The following SLC39A9 variants were observed in gnomAD, a reference collection of about 807,000 sequenced individuals.
SLC39A9 encodes the protein solute carrier family 39 member 9, also known as zinc transporter ZIP9.
Under a neutral mutation model 28.4 loss-of-function variants are expected in SLC39A9, and 14 were observed. The observed-to-expected ratio is 0.49, with a 90% CI of 0.33 to 0.77. The LOEUF is 0.77. Among genes scored for constraint, SLC39A9 ranks in the 30% least tolerant of loss-of-function variants. The probability of loss-of-function intolerance (pLI) is 0.02; values close to 1 mark genes in which losing one functional copy is unlikely to be tolerated. For missense variants in SLC39A9, 283 were observed against 381.1 expected, an observed-to-expected ratio of 0.74 and a Z score of 2.14; for synonymous variants, 119 against 149.6, an observed-to-expected ratio of 0.80 and a Z score of 1.49.
intron 1 of SLC39A9, among the ~76,000 whole-genome samples, chr14:69,415,632 C>T (rs1883527074): frequency 7.0e-6 from 1 of 143,728 alleles, no homozygotes; most frequent in South Asian, 2.3e-4. Flanking sequence ...AAGGGTTGAC[C>T]TGGCTGTGTG....
intron 1 of SLC39A9, among the ~76,000 whole-genome samples, chr14:69,406,844 C>G (rs1211856504): frequency 1.0e-4 from 10 of 99,486 alleles, no homozygotes; most frequent in African/African-American, 3.0e-4. Context: ...ACTGGAAATT[C>G]TTTGTTTTTT....
At chr14:69,441,719 T>C in intron 2 of SLC39A9, 1 of 808,138 alleles carries the variant, frequency 1.2e-6, no homozygotes, top group Non-Finnish European at 1.5e-6. Context: ...AAAAAAACAG[T>C]GTATTTTCTG....
intron 1 of SLC39A9, among the ~76,000 whole-genome samples, chr14:69,416,208 G>A (rs1566910418): frequency 6.6e-6 from 1 of 152,110 alleles, no homozygotes; most frequent in Non-Finnish European, 1.5e-5. Flanking sequence ...ACCTATGAGT[G>A]AGAACATGCT....
intron 1 of SLC39A9, among the ~76,000 whole-genome samples, chr14:69,415,123 C>T (rs1324624224): frequency 6.6e-6 from 1 of 152,120 alleles, no homozygotes; most frequent in African/African-American, 2.4e-5. Flanking sequence ...TATTCTTGTA[C>T]AAGTTTTTTG....
chr14:69,461,044 G>A lies in SLC39A9; in HGVS notation c.*2451G>A. 2 of 985,576 alleles carry A rather than the reference G, an allele frequency of 2.0e-6. No individual in the cohort carries two copies. Among genetic ancestry groups the A allele is most frequent in the African/African-American group, 3.5e-5 (2 of 57,334 alleles). The allele number at this position is 985,576 out of a possible 1,614,324, so 61.1% of individuals were successfully genotyped here. ...CACATTTCAGTTCCGTTTTCCTCTT[G>A]TTTAAAACTGCCTCTTTAGATGTGG... On this transcript the variant is annotated 3_prime_UTR_variant, in exon 7 of 7. Coordinates refer to ENST00000336643, the MANE Select transcript of SLC39A9 (RefSeq NM_018375.5).
At chr14:69,439,404 G>T (rs906823184) in intron 2 of SLC39A9, among the ~76,000 whole-genome samples, 3 of 152,104 alleles carry the variant, frequency 2.0e-5, no homozygotes, top group Non-Finnish European at 4.4e-5. Flanking sequence ...AACCAAGGAG[G>T]TAAAAGATCT....
At chr14:69,442,318 A>G (rs1430627125) in intron 3 of SLC39A9, 52 bp downstream of exon 3, 2 of 1,528,998 alleles carry the variant, frequency 1.3e-6, no homozygotes, top group African/African-American at 1.4e-5. Context: ...CAGTTGAGAA[A>G]GTTACAAACG....
chr14:69,420,896 A>C (rs1021063836), intron 1 of SLC39A9, among the ~76,000 whole-genome samples: 1 of 152,194 alleles, frequency 6.6e-6, no homozygotes, highest in Non-Finnish European at 1.5e-5. Flanking sequence ...CATGCGTCTA[A>C]TCTTTTTTCA....
At chr14:69,423,138 A>G (rs1174712894) in intron 1 of SLC39A9, among the ~76,000 whole-genome samples, 1 of 152,210 alleles carries the variant, frequency 6.6e-6, no homozygotes, top group Admixed American at 6.5e-5. Flanking sequence ...TAAGTAAAAA[A>G]TTGTTAATGT....
At chr14:69,417,189 T>G in intron 1 of SLC39A9, among the ~76,000 whole-genome samples, 1 of 152,230 alleles carries the variant, frequency 6.6e-6, no homozygotes, top group African/African-American at 2.4e-5. Context: ...TTTCTACATA[T>G]GGCTAGCCAG....
At chr14:69,458,062 T>G (rs1446559481) in intron 6 of SLC39A9, among the ~76,000 whole-genome samples, 1 of 152,186 alleles carries the variant, frequency 6.6e-6, no homozygotes, top group Non-Finnish European at 1.5e-5. Flanking sequence ...TAGTTTTATT[T>G]AATTAGTCCA....
intron 1 of SLC39A9, among the ~76,000 whole-genome samples, chr14:69,411,224 A>G (rs1028173657): frequency 6.6e-6 from 1 of 152,062 alleles, no homozygotes; most frequent in Non-Finnish European, 1.5e-5. Context: ...AAAAAAAAAA[A>G]AAAAAAAACT....
At chr14:69,405,558 C>G (rs183348340) in intron 1 of SLC39A9, among the ~76,000 whole-genome samples, 1 of 152,248 alleles carries the variant, frequency 6.6e-6, no homozygotes, top group Non-Finnish European at 1.5e-5. Context: ...TTGAGACCAA[C>G]CTGGGCAACA....
Position 69,458,996 on chromosome 14 carries a change from G to A in SLC39A9, c.*403G>A. On this transcript the variant is annotated 3_prime_UTR_variant, in exon 7 of 7. Coordinates refer to ENST00000336643, the MANE Select transcript of SLC39A9 (RefSeq NM_018375.5). Reference sequence around the variant, plus strand: ...TCTTTCTTCTTAGTTTAGAGGCTCTGCTACTTTATCCATTGATTTTTAACA... The same window carrying A: ...TCTTTCTTCTTAGTTTAGAGGCTCTACTACTTTATCCATTGATTTTTAACA... The A allele has an allele frequency of 1.0e-6, 1 of 993,838 alleles. No homozygotes were observed. Among genetic ancestry groups the A allele is most frequent in the African/African-American group, 1.7e-5 (1 of 57,568 alleles). 61.6% of individuals were successfully genotyped at this position (993,838 alleles called of 1,614,324 possible). A position where few individuals can be genotyped will look rare whatever the true frequency, so the allele number is the denominator to read the frequency against.
chr14:69,423,976 C>A (rs1884044150), intron 1 of SLC39A9, 118 bp from the exon 2 acceptor site: 2 of 631,610 alleles, frequency 3.2e-6, no homozygotes, highest in Non-Finnish European at 5.7e-6. Context: ...TCTTCGCTGT[C>A]TATTGTAGAT....
Position 69,461,513 on chromosome 14 carries a change from C to T in SLC39A9, c.*2920C>T. ...GTTTTCTCTTTCTCCCCGCTTTCAC[C>T]TCTTTCTTTCCCAATTCAAAACAGC... On this transcript the variant is annotated 3_prime_UTR_variant, in exon 7 of 7. Transcript: ENST00000336643. 2.1e-6 allele frequency: 3 copies of T among 1,437,668 alleles called. No individual in the cohort carries two copies. Among genetic ancestry groups the T allele is most frequent in the Non-Finnish European group, 2.7e-6 (3 of 1,099,630 alleles). The allele number at this position is 1,437,668 out of a possible 1,614,324, so 89.1% of individuals were successfully genotyped here.
chr14:69,413,066 CAA>C (rs1395689115), intron 1 of SLC39A9, among the ~76,000 whole-genome samples: 1 of 152,038 alleles, frequency 6.6e-6, no homozygotes, highest in Admixed American at 6.6e-5. Context: ...TTTAAAATTT[CAA>C]AGACTCGGCC....
chr14:69,427,302 C>G (rs557602515), intron 2 of SLC39A9, among the ~76,000 whole-genome samples: 2 of 152,170 alleles, frequency 1.3e-5, no homozygotes, highest in Non-Finnish European at 2.9e-5. Context: ...CTGTACCCAG[C>G]CAGAGTAATT....
intron 3 of SLC39A9, among the ~76,000 whole-genome samples, chr14:69,442,974 T>C (rs1286857078): frequency 6.6e-6 from 1 of 152,212 alleles, no homozygotes; most frequent in Non-Finnish European, 1.5e-5. Context: ...TGTAGCTTGC[T>C]TTTTAAGGAA....
Sources: gnomAD v4.1 joint callset for allele counts (sites outside exome capture counted in the v4.1 genomes callset) on GRCh38, gnomAD v4.1.1 for gene constraint, MANE v1.5 for transcripts, NCBI Gene and HGNC (gene_info 2026-07-23, HGNC 2026-07-21) for gene names.